Variants in TRDN observed in about 807,000 individuals in gnomAD.
TRDN encodes triadin in skeletal muscle.
A neutral mutation model predicts 149.7 loss-of-function variants in TRDN; 161 were observed. That is an observed-to-expected ratio of 1.08 (90% CI 0.95 to 1.23). The LOEUF is 1.23. TRDN is among the 50% of genes most tolerant of loss of function. TRDN has a pLI of 0.00. For missense variants in TRDN, 896 were observed against 823.5 expected (o/e 1.09, Z -1.08); for synonymous variants, 294 against 250.5 (o/e 1.17, Z -1.64).
At chr6:123,403,154 A>G (rs780504322) in intron 12 of TRDN, among the ~76,000 whole-genome samples, 1 of 152,228 alleles carries the variant, frequency 6.6e-6, no homozygotes, top group East Asian at 1.9e-4. Context: ...TTAATAATCT[A>G]TAAGAAAAAT....
rs537221349 is a variant in TRDN at position 123,621,863 on chromosome 6, T to C, written c.22+14891A>G. Among the ~76,000 whole-genome samples, 21 of 152,256 alleles carry C rather than the reference T, an allele frequency of 1.4e-4. No individual in the cohort carries two copies. The East Asian group carries it at 4.1e-3, about 29-fold the overall frequency. On this transcript the variant is annotated intron_variant, in intron 1 of 40. Transcript: ENST00000334268. ...CGACACCAAAGTGAGAGTCAAAGTATGGATAGATGAATATGGGCTTCCCAT... is the reference window on the plus strand; with the variant it reads ...CGACACCAAAGTGAGAGTCAAAGTACGGATAGATGAATATGGGCTTCCCAT...
chr6:123,350,688 T>G (rs1243174761), intron 21 of TRDN: 4 of 807,096 alleles, frequency 5.0e-6, no homozygotes, highest in Middle Eastern at 6.4e-4. Context: ...ATATGCAAAA[T>G]ATCCAAATAT....
intron 23 of TRDN, among the ~76,000 whole-genome samples, chr6:123,318,559 T>C (rs561581767): frequency 6.6e-6 from 1 of 152,168 alleles, no homozygotes; most frequent in African/African-American, 2.4e-5. Context: ...GAAGTATGGC[T>C]AATTTGAATA....
At chr6:123,324,641 T>G (rs1779374701) in intron 23 of TRDN, among the ~76,000 whole-genome samples, 1 of 144,976 alleles carries the variant, frequency 6.9e-6, no homozygotes, top group Non-Finnish European at 1.5e-5. Context: ...AAGGAATGAA[T>G]ATTGGAGCTC....
At chr6:123,417,124 T>C (rs1773690050) in intron 12 of TRDN, among the ~76,000 whole-genome samples, 1 of 152,222 alleles carries the variant, frequency 6.6e-6, no homozygotes, top group African/African-American at 2.4e-5. Flanking sequence ...ATACAAATCA[T>C]TTCTCAAGAA....
At chr6:123,566,069 G>C (rs1293876287) in intron 2 of TRDN, among the ~76,000 whole-genome samples, 1 of 152,174 alleles carries the variant, frequency 6.6e-6, no homozygotes, top group Non-Finnish European at 1.5e-5. Context: ...ATGTAATTCA[G>C]AGTTGCTTTC....
At chr6:123,394,620 A>G (rs9490739) in intron 12 of TRDN, among the ~76,000 whole-genome samples, 22,950 of 152,084 alleles carry the variant, frequency 0.15, 1,803 homozygotes, top group African/African-American at 0.21. Flanking sequence ...TTATTGTCAA[A>G]TGTTGATTAT....
intron 8 of TRDN, 136 bp downstream of exon 8, chr6:123,503,583 G>A: frequency 6.8e-7 from 1 of 1,468,758 alleles, no homozygotes; most frequent in Non-Finnish European, 9.0e-7. Context: ...TTTCTTTTCT[G>A]ATATATTTAC....
chr6:123,250,009 A>G (rs942550442), intron 38 of TRDN, among the ~76,000 whole-genome samples: 2 of 152,158 alleles, frequency 1.3e-5, no homozygotes, highest in African/African-American at 4.8e-5. Flanking sequence ...AAGTTGCAGA[A>G]TACAAAATCA....
In TRDN at chr6:123,218,562, T is replaced by A. The variant is rs554197832; in HGVS notation, c.*39A>T. ...TACTGTGGACAAAACATCACATTTT[T>A]AAAATCTTAAAGCACTTGTAAGGGT... On this transcript the variant is annotated 3_prime_UTR_variant, in exon 41 of 41. Coordinates refer to ENST00000334268, the MANE Select transcript of TRDN (RefSeq NM_006073.4). 3 of 1,574,660 alleles carry A rather than the reference T, an allele frequency of 1.9e-6. No homozygotes were observed. Among genetic ancestry groups the A allele is most frequent in the Middle Eastern group, 1.7e-4 (1 of 5,816 alleles).
intron 7 of TRDN, among the ~76,000 whole-genome samples, chr6:123,510,752 T>A (rs1213721312): frequency 1.3e-5 from 2 of 151,856 alleles, no homozygotes; most frequent in Non-Finnish European, 2.9e-5. Flanking sequence ...CAAGGTATTC[T>A]CCTGTCTCAG....
intron 8 of TRDN, 59 bp from the exon 9 acceptor site, chr6:123,497,311 A>C (rs1227772199): frequency 3.4e-6 from 4 of 1,184,730 alleles, no homozygotes; most frequent in Non-Finnish European, 4.6e-6. Context: ...TCATTTTTCT[A>C]CAGAGAAATA....
At chr6:123,501,402 A>T (rs759677670) in intron 8 of TRDN, among the ~76,000 whole-genome samples, 1 of 56,012 alleles carries the variant, frequency 1.8e-5, no homozygotes, top group Non-Finnish European at 3.8e-5. Context: ...AGCTAACTCA[A>T]CAGTTAGCTT....
intron 5 of TRDN, among the ~76,000 whole-genome samples, chr6:123,518,430 G>C (rs1779515268): frequency 6.6e-6 from 1 of 152,152 alleles, no homozygotes; most frequent in Non-Finnish European, 1.5e-5. Context: ...AACCAAGTTT[G>C]TGTGAGATAA....
intron 5 of TRDN, among the ~76,000 whole-genome samples, chr6:123,525,363 C>A (rs1301559388): frequency 6.6e-6 from 1 of 152,048 alleles, no homozygotes; most frequent in Admixed American, 6.6e-5. Context: ...CCATGGAATA[C>A]TATTCAGTCA....
intron 24 of TRDN, among the ~76,000 whole-genome samples, chr6:123,315,331 T>C (rs893133517): frequency 2.0e-5 from 3 of 152,074 alleles, no homozygotes; most frequent in Non-Finnish European, 2.9e-5. Flanking sequence ...TTTTCTGCAG[T>C]TTAAAATTGT....
intron 12 of TRDN, chr6:123,418,570 C>G (rs1412966445): frequency 6.6e-6 from 1 of 152,110 alleles, no homozygotes; most frequent in African/African-American, 2.4e-5. Context: ...TTCACTCACC[C>G]TCAGCTCCCA....
At chr6:123,530,631 G>T in intron 4 of TRDN, 66 bp from the exon 5 acceptor site, 1 of 956,128 alleles carries the variant, frequency 1.0e-6, no homozygotes, top group South Asian at 2.0e-5. Context: ...CCATAGCTAT[G>T]ACCTAAACTT....
intron 8 of TRDN, chr6:123,503,199 C>T: frequency 1.0e-6 from 1 of 984,628 alleles, no homozygotes; most frequent in Non-Finnish European, 1.2e-6. Flanking sequence ...TCTATAACAT[C>T]TTGCCTATTA....
Sources: allele counts gnomAD v4.1 joint callset (sites outside exome capture counted in the v4.1 genomes callset), GRCh38; gene constraint gnomAD v4.1.1; transcripts MANE v1.5; gene names NCBI Gene and HGNC (gene_info 2026-07-23, HGNC 2026-07-21).